CCDC171: variants seen among roughly 807,000 people sequenced by gnomAD.
The protein encoded by CCDC171 is coiled-coil domain-containing protein 171.
A neutral mutation model predicts 168.2 loss-of-function variants in CCDC171; 177 were observed. The ratio of observed to expected loss-of-function variants is 1.05; its 90% CI spans 0.93 to 1.19. CCDC171 has a LOEUF of 1.19. CCDC171 is among the 50% of genes most tolerant of loss of function. CCDC171 has a pLI of 0.00. For missense variants in CCDC171, 1,991 were observed against 1,539.0 expected (o/e 1.29, Z -4.91); for synonymous variants, 687 against 540.8 (o/e 1.27, Z -3.75).
rs538343143 is a variant in CCDC171, at chr9:15,700,896, A to G, written c.1318+5559A>G. Among the ~76,000 whole-genome samples the G allele has an allele frequency of 7.6e-4, 115 of 150,568 alleles. 1 individual carries two copies. Among genetic ancestry groups the G allele is most frequent in the Non-Finnish European group, 2.2e-4 (15 of 67,672 alleles). ...CTCTTTTATCCACATCTTCCCCATT[A>G]TTAGTTTTTTTTTTTGTCTTTTTGC... On this transcript the variant is annotated intron_variant, in intron 11 of 25. Transcript: ENST00000380701.
chr9:15,754,619 C>T (rs1439075365), intron 18 of CCDC171, among the ~76,000 whole-genome samples: 1 of 152,096 alleles, frequency 6.6e-6, no homozygotes, highest in Non-Finnish European at 1.5e-5. Context: ...GGAGGCAATA[C>T]TTTAGGGTTA....
At chr9:16,039,289 A>G (rs559495827), upstream of CCDC171, among the ~76,000 whole-genome samples, 4 of 152,146 alleles carry the variant, frequency 2.6e-5, no homozygotes, top group Non-Finnish European at 5.9e-5. Context: ...TGAGGCCCCT[A>G]TTCCAGCCTT....
the CCDC171 span, among the ~76,000 whole-genome samples, chr9:16,105,406 G>A: frequency 2.6e-5 from 4 of 151,992 alleles, no homozygotes; most frequent in Admixed American, 2.0e-4. Flanking sequence ...GTGTCACTTG[G>A]CTGGCCTGAC....
chr9:15,617,426 G>T (rs2044163446), intron 6 of CCDC171, among the ~76,000 whole-genome samples: 1 of 151,024 alleles, frequency 6.6e-6, no homozygotes, highest in Non-Finnish European at 1.5e-5. Context: ...ACCCAGGCTG[G>T]AATGCAGTGG....
At chr9:15,931,328 C>T (rs1194122269) in intron 25 of CCDC171, among the ~76,000 whole-genome samples, 8 of 151,258 alleles carry the variant, frequency 5.3e-5, no homozygotes, top group Non-Finnish European at 1.0e-4. Context: ...TTTGCATTTC[C>T]CTGATGATTA....
intron 6 of CCDC171, among the ~76,000 whole-genome samples, chr9:16,025,961 C>A (rs577236085): frequency 9.9e-5 from 15 of 152,268 alleles, no homozygotes; most frequent in African/African-American, 3.4e-4. Context: ...TATAATTAAA[C>A]AATTTTTTAA....
intron 2 of CCDC171, among the ~76,000 whole-genome samples, chr9:15,567,235 T>G (rs1441455228): frequency 6.6e-6 from 1 of 152,162 alleles, no homozygotes; most frequent in Admixed American, 6.5e-5. Context: ...TTGGGCAGGC[T>G]GGTCTTGAAC....
At chr9:15,936,826 TATTAGCTAACCTTGGACTGAATCCATC>T (rs1335787560) in intron 25 of CCDC171, among the ~76,000 whole-genome samples, 1 of 151,984 alleles carries the variant, frequency 6.6e-6, no homozygotes, top group African/African-American at 2.4e-5. Flanking sequence ...TGTCAGCCGT[TATTAGCTAACCTTGGACTGAATCCATC>T]ATTTTAAAAC....
chr9:16,070,600 C>A, the CCDC171 span, among the ~76,000 whole-genome samples: 2 of 152,066 alleles, frequency 1.3e-5, no homozygotes, highest in Admixed American at 1.3e-4. Flanking sequence ...AGGAGGGAAG[C>A]CAGGGATGGG....
the CCDC171 span, among the ~76,000 whole-genome samples, chr9:16,092,464 A>C: frequency 6.6e-6 from 1 of 152,200 alleles, no homozygotes; most frequent in Non-Finnish European, 1.5e-5. Context: ...TGTTTTCTGC[A>C]GTGATGCTTC....
intron 6 of CCDC171, among the ~76,000 whole-genome samples, chr9:15,603,166 A>G (rs367913244): frequency 1.3e-5 from 2 of 151,490 alleles, no homozygotes; most frequent in African/African-American, 2.4e-5. Flanking sequence ...TTGTATTTTT[A>G]GTAGAGACAG....
chr9:15,575,285 T>A (rs1336573545), intron 3 of CCDC171, among the ~76,000 whole-genome samples: 1 of 147,186 alleles, frequency 6.8e-6, no homozygotes, highest in African/African-American at 2.5e-5. Context: ...ATCTCCTACA[T>A]CAGCCTCCTG....
chr9:15,800,517 T>C (rs1004954964), intron 21 of CCDC171, among the ~76,000 whole-genome samples: 3 of 152,096 alleles, frequency 2.0e-5, no homozygotes, highest in Non-Finnish European at 4.4e-5. Flanking sequence ...TATTAATCCC[T>C]TGTCAGATGG....
chr9:15,804,692 T>A (rs2058993148), intron 21 of CCDC171, among the ~76,000 whole-genome samples: 1 of 152,126 alleles, frequency 6.6e-6, no homozygotes, highest in African/African-American at 2.4e-5. Context: ...AGCCTGGAGT[T>A]GTCTTGTTTT....
At chr9:16,027,120 T>C (rs1265199414) in intron 6 of CCDC171, among the ~76,000 whole-genome samples, 1 of 152,204 alleles carries the variant, frequency 6.6e-6, no homozygotes, top group African/African-American at 2.4e-5. Flanking sequence ...CCGGAGTTGA[T>C]TTTCCCCAGA....
chr9:15,832,822 C>T (rs1324126911), intron 21 of CCDC171, among the ~76,000 whole-genome samples: 1 of 152,054 alleles, frequency 6.6e-6, no homozygotes, highest in Non-Finnish European at 1.5e-5. Flanking sequence ...TCTTTATATT[C>T]TTATTCAGTA....
the CCDC171 span, among the ~76,000 whole-genome samples, chr9:16,085,589 G>T: frequency 6.6e-6 from 1 of 152,322 alleles, no homozygotes; most frequent in South Asian, 2.1e-4. Context: ...GCTCTTAGTG[G>T]CTGACTCTAA....
At chr9:15,657,346 CATT>C (rs2048015728) in intron 8 of CCDC171, 127 bp downstream of exon 8, 1 of 585,188 alleles carries the variant, frequency 1.7e-6, no homozygotes, top group East Asian at 3.1e-5. Context: ...TTATGACACT[CATT>C]ATTGTATATA....
At chr9:15,917,324 A>G (rs1011536619) in intron 24 of CCDC171, among the ~76,000 whole-genome samples, 2 of 151,852 alleles carry the variant, frequency 1.3e-5, no homozygotes, top group African/African-American at 4.8e-5. Flanking sequence ...AGTAACATGA[A>G]ACCTGCTTTC....
Sources: gnomAD v4.1 joint callset for allele counts (sites outside exome capture counted in the v4.1 genomes callset) on GRCh38, gnomAD v4.1.1 for gene constraint, MANE v1.5 for transcripts, NCBI Gene and HGNC (gene_info 2026-07-23, HGNC 2026-07-21) for gene names.